INSR: variants seen among roughly 807,000 people sequenced by gnomAD.
INSR encodes insulin receptor, also known as IR.
INSR carries 67 observed loss-of-function variants against 142.6 expected under a neutral mutation model. That is an observed-to-expected ratio of 0.47 (90% confidence interval 0.39 to 0.58). The LOEUF is 0.58. Among genes scored for constraint, INSR ranks in the 20% least tolerant of loss-of-function variants. The pLI is 0.00. For missense variants in INSR, 1,248 were observed against 1,833.2 expected (o/e 0.68, Z 5.83); for synonymous variants, 756 against 743.1 (o/e 1.02, Z -0.28).
In INSR at chr19:7,168,229, C is replaced by G. The variant is rs41505247; in HGVS notation, c.1484-135G>C. ...CTGCTATTCCCTTAAGGGTCTCCTC[C>G]CCATGTGCCTGGCTGAGTATGAATG... On this transcript the variant is annotated intron_variant, in intron 6 of 21. Coordinates refer to ENST00000302850, the MANE Select transcript of INSR (RefSeq NM_000208.4). The surrounding 1 kb of genome is among the most constrained non-coding windows in gnomAD (Gnocchi z 4.3). 0.029 allele frequency: 25,567 copies of G among 893,090 alleles called. 504 individuals are homozygous for G. Among genetic ancestry groups the G allele is most frequent in the Middle Eastern group, 0.06 (274 of 4,556 alleles). 55.3% of individuals were successfully genotyped at this position (893,090 alleles called of 1,614,324 possible).
intron 11 of INSR, among the ~76,000 whole-genome samples, chr19:7,143,955 T>A (rs1973131477): frequency 6.6e-6 from 1 of 151,502 alleles, no homozygotes; most frequent in Non-Finnish European, 1.5e-5. Context: ...CTCAGGAGGC[T>A]GAGGCAAGAG....
intron 2 of INSR, among the ~76,000 whole-genome samples, chr19:7,203,820 C>T (rs537420517): frequency 1.1e-4 from 12 of 108,586 alleles, no homozygotes; most frequent in Non-Finnish European, 2.4e-4. Context: ...AAAAGGGAGA[C>T]GACTTTTAGC....
chr19:7,141,675 A>G lies in INSR; in HGVS notation c.2682+2T>C. ...GGCATGCCCAAGAGTCAAGGGCCTTACCTCATCACCATATCGCCGATAACT... is the reference window on the plus strand; with the variant it reads ...GGCATGCCCAAGAGTCAAGGGCCTTGCCTCATCACCATATCGCCGATAACT... On this transcript the variant is annotated splice_donor_variant, in intron 13 of 21. Coordinates refer to ENST00000302850, the MANE Select transcript of INSR (RefSeq NM_000208.4). LOFTEE classifies it high-confidence loss of function. The G allele has an allele frequency of 4.3e-6, 7 of 1,614,180 alleles. No individual in the cohort carries two copies. Among genetic ancestry groups the G allele is most frequent in the Non-Finnish European group, 5.9e-6 (7 of 1,180,008 alleles).
chr19:7,153,536 G>T (rs1188582901), intron 9 of INSR, among the ~76,000 whole-genome samples: 3 of 118,784 alleles, frequency 2.5e-5, no homozygotes, highest in African/African-American at 8.6e-5. Context: ...GCTGAGCTGA[G>T]ACAGAGCCTA....
intron 9 of INSR, among the ~76,000 whole-genome samples, chr19:7,153,797 C>T (rs1187882052): frequency 6.6e-6 from 1 of 152,082 alleles, no homozygotes; most frequent in Non-Finnish European, 1.5e-5. Flanking sequence ...GTGAGGATCA[C>T]GTGAGCCCAG....
intron 9 of INSR, among the ~76,000 whole-genome samples, chr19:7,161,437 A>G (rs1311902945): frequency 6.6e-6 from 1 of 151,644 alleles, no homozygotes; most frequent in Admixed American, 6.6e-5. Flanking sequence ...TTTTTTAGAG[A>G]TGGGATCTTG....
At chr19:7,276,410 TG>T (rs987524938) in intron 1 of INSR, among the ~76,000 whole-genome samples, 1 of 151,790 alleles carries the variant, frequency 6.6e-6, no homozygotes, top group African/African-American at 2.4e-5. Context: ...CCCAGTGTGC[TG>T]GGAGTATGGG....
At chr19:7,264,108 G>A (rs941485463) in intron 2 of INSR, among the ~76,000 whole-genome samples, 14 of 151,434 alleles carry the variant, frequency 9.2e-5, no homozygotes, top group African/African-American at 2.9e-4. Context: ...GGCAGAAATT[G>A]CGGTGAGCCA....
Position 7,207,948 on chromosome 19 carries a change from G to GGAAGGAAGGAAGGAAGGAAGGGAGGGAA in INSR, c.653-23312_653-23311insTTCCCTCCCTTCCTTCCTTCCTTCCTTC, listed in dbSNP as rs1375255118. On this transcript the variant is annotated intron_variant, in intron 2 of 21. Coordinates refer to ENST00000302850, the MANE Select transcript of INSR (RefSeq NM_000208.4). Reference sequence around the variant, plus strand: ...AGGAAGGAAGGAAGGAAGGGAAGGAGGGAGGGAGGGAGGGAGGGAGGCAAA... The same window carrying GGAAGGAAGGAAGGAAGGAAGGGAGGGAA: ...AGGAAGGAAGGAAGGAAGGGAAGGAGGAAGGAAGGAAGGAAGGAAGGGAGGGAAGGAGGGAGGGAGGGAGGGAGGCAAA... 4.7e-4 allele frequency among the ~76,000 whole-genome samples: 58 copies of GGAAGGAAGGAAGGAAGGAAGGGAGGGAA among 124,164 alleles called. 4 individuals carry two copies. The highest frequency in any genetic ancestry group is 2.0e-3 in the African/African-American group (56 of 28,452). 81.5% of individuals were successfully genotyped at this position (124,164 alleles called of 152,430 possible).
At chr19:7,266,084 C>A (rs1045633910) in intron 2 of INSR, among the ~76,000 whole-genome samples, 1 of 152,092 alleles carries the variant, frequency 6.6e-6, no homozygotes, top group Non-Finnish European at 1.5e-5. Flanking sequence ...GGTTCAACCC[C>A]GATAGCAATC....
In INSR at chr19:7,172,451, A is replaced by G. The variant is rs746810471; in HGVS notation, c.1124-17T>C. The stretch of plus-strand genomic sequence containing the variant: ...CCAGATTGTCTAAGGAAAGGAGAGA[A>G]TATCCAGTGGGTTTCTATAGACATA... On this transcript the variant is annotated splice_polypyrimidine_tract_variant and intron_variant, in intron 4 of 21. Transcript: ENST00000302850. The G allele has an allele frequency of 6.8e-6, 11 of 1,613,170 alleles. No individual in the cohort carries two copies. Among genetic ancestry groups the G allele is most frequent in the Non-Finnish European group, 8.5e-6 (10 of 1,179,484 alleles).
chr19:7,117,185 C>A lies in INSR; in HGVS notation c.4020G>T (p.Ala1340=). Reference sequence around the variant, plus strand: ...GCGAGGACCCTCCATCCCGGCCCCCCGCCTCCTCCCTCTGACAGTGCGAGG... The same window carrying A: ...GCGAGGACCCTCCATCCCGGCCCCCAGCCTCCTCCCTCTGACAGTGCGAGG... ...DRSSHCQREE[A]GGRDGGSSLG... The change falls in exon 22 of 22, where the codon GCG becomes GCT. Residue 1340 remains alanine, a synonymous_variant. Coordinates refer to ENST00000302850, the MANE Select transcript of INSR (RefSeq NM_000208.4). The A allele has an allele frequency of 6.2e-7, 1 of 1,614,178 alleles. No homozygotes were observed. Among genetic ancestry groups the A allele is most frequent in the Non-Finnish European group, 8.5e-7 (1 of 1,180,038 alleles).
intron 14 of INSR, among the ~76,000 whole-genome samples, chr19:7,129,869 C>G (rs1408934741): frequency 1.3e-4 from 20 of 152,238 alleles, no homozygotes; most frequent in Non-Finnish European, 2.6e-4. Flanking sequence ...TCCCAAGTAC[C>G]TGGGATTACA....
intron 2 of INSR, among the ~76,000 whole-genome samples, chr19:7,257,090 C>T (rs1315059218): frequency 6.6e-6 from 1 of 151,782 alleles, no homozygotes; most frequent in Non-Finnish European, 1.5e-5. Context: ...TTACAGGTGC[C>T]CACCACCATA....
In INSR at chr19:7,122,875, T is replaced by C. The variant is rs1186619296; in HGVS notation, c.3369+4A>G. On this transcript the variant is annotated splice_donor_region_variant and intron_variant, in intron 18 of 21. Transcript: ENST00000302850. The stretch of plus-strand genomic sequence containing the variant: ...ACCCCGCTGGGTCCCCCGAAGCAGC[T>C]TACCTCAGCCTCTGGCCGCAGAGAA... 3.1e-6 allele frequency: 5 copies of C among 1,609,812 alleles called. No homozygotes were observed. In the East Asian group the frequency reaches 1.1e-4, roughly 36 times the overall value.
intron 20 of INSR, among the ~76,000 whole-genome samples, chr19:7,120,210 C>G (rs1972457092): frequency 1.3e-5 from 2 of 152,212 alleles, no homozygotes; most frequent in Admixed American, 1.3e-4. Context: ...GAAGCTCCCT[C>G]CCCACTTCGA....
chr19:7,191,992 GGA>G (rs983677226), intron 2 of INSR, among the ~76,000 whole-genome samples: 307 of 145,230 alleles, frequency 2.1e-3, no homozygotes, highest in Non-Finnish European at 3.2e-3. Flanking sequence ...GGGAGGGAGG[GGA>G]GAGAGAGAGA....
intron 6 of INSR, among the ~76,000 whole-genome samples, chr19:7,169,847 A>T (rs762927869): frequency 1.4e-4 from 21 of 152,170 alleles, no homozygotes; most frequent in Non-Finnish European, 2.4e-4. Context: ...TGGCACAGTA[A>T]GCATAGTGAT....
intron 2 of INSR, among the ~76,000 whole-genome samples, chr19:7,218,920 G>A (rs1401241724): frequency 2.0e-5 from 3 of 152,088 alleles, no homozygotes; most frequent in African/African-American, 7.2e-5. Flanking sequence ...GTAGGTAGAG[G>A]GAACAGCAAG....
Sources: gnomAD v4.1 joint callset for allele counts (sites outside exome capture counted in the v4.1 genomes callset) on GRCh38, gnomAD v4.1.1 for gene constraint, Gnocchi (gnomAD v3.1) non-coding constraint, MANE v1.5 for transcripts, NCBI Gene and HGNC (gene_info 2026-07-23, HGNC 2026-07-21) for gene names.